The following GRAMD1C variants were observed in gnomAD, a reference collection of about 807,000 sequenced individuals.
The protein encoded by GRAMD1C is protein Aster-C.
GRAMD1C carries 89 observed loss-of-function variants against 97.8 expected under a neutral mutation model. The observed-to-expected ratio is 0.91, with a 90% confidence interval of 0.77 to 1.09. The LOEUF (loss-of-function observed/expected upper bound fraction) is 1.09, where lower values mean the gene tolerates loss of function less well. Ranked by LOEUF, GRAMD1C falls within the 50% of genes least tolerant of loss-of-function variation. The probability of loss-of-function intolerance (pLI) is 0.00; values close to 1 mark genes in which losing one functional copy is unlikely to be tolerated. For missense variants in GRAMD1C, 740 were observed against 766.4 expected (o/e 0.97, Z 0.41); for synonymous variants, 256 against 267.0 (o/e 0.96, Z 0.40).
chr3:113,835,598 T>A (rs1487620130), upstream of GRAMD1C, among the ~76,000 whole-genome samples: 1 of 152,208 alleles, frequency 6.6e-6, no homozygotes, highest in Non-Finnish European at 1.5e-5. Context: ...GTCAATAAGA[T>A]GTGGTTATTC....
intron 6 of GRAMD1C, among the ~76,000 whole-genome samples, chr3:113,892,740 CT>C (rs1935786298): frequency 6.6e-6 from 1 of 152,124 alleles, no homozygotes. Flanking sequence ...CAGCACCATT[CT>C]TTAATACAAA....
At chr3:113,930,001 T>C (rs961504666) in intron 10 of GRAMD1C, among the ~76,000 whole-genome samples, 20 of 152,202 alleles carry the variant, frequency 1.3e-4, no homozygotes, top group African/African-American at 3.6e-4. Context: ...CTTTTATTTA[T>C]ACTTTTTAAG....
intron 6 of GRAMD1C, 121 bp downstream of exon 6, chr3:113,882,953 GA>G: frequency 2.0e-6 from 1 of 510,136 alleles, no homozygotes. Context: ...ATTCTAAGTA[GA>G]AACTTCAATC....
At chr3:113,882,473 A>G (rs918245131) in intron 5 of GRAMD1C, among the ~76,000 whole-genome samples, 1 of 152,298 alleles carries the variant, frequency 6.6e-6, no homozygotes, top group African/African-American at 2.4e-5. Context: ...TTAAACTGAT[A>G]AACATAAATA....
intron 2 of GRAMD1C, among the ~76,000 whole-genome samples, chr3:113,853,046 A>G (rs1232582609): frequency 6.6e-6 from 1 of 152,226 alleles, no homozygotes; most frequent in Non-Finnish European, 1.5e-5. Flanking sequence ...TAATAAAACT[A>G]TTATACCAAA....
intron 1 of GRAMD1C, among the ~76,000 whole-genome samples, chr3:113,841,811 C>T (rs1261111327): frequency 6.6e-6 from 1 of 152,152 alleles, no homozygotes; most frequent in Non-Finnish European, 1.5e-5. Context: ...AGTCCTCCCA[C>T]CTCAGCCTCC....
At chr3:113,943,319 TA>T (rs1321413044) in intron 17 of GRAMD1C, among the ~76,000 whole-genome samples, 1 of 152,188 alleles carries the variant, frequency 6.6e-6, no homozygotes, top group Non-Finnish European at 1.5e-5. Flanking sequence ...TTTAAAACCA[TA>T]AAAAAATCTT....
chr3:113,923,573 T>C (rs528662043), intron 10 of GRAMD1C, among the ~76,000 whole-genome samples: 8 of 152,350 alleles, frequency 5.3e-5, no homozygotes, highest in Admixed American at 3.3e-4. Context: ...ATCACACTTA[T>C]GGATTTGCAT....
intron 2 of GRAMD1C, among the ~76,000 whole-genome samples, chr3:113,861,355 T>G (rs897828669): frequency 6.6e-6 from 1 of 152,114 alleles, no homozygotes; most frequent in Non-Finnish European, 1.5e-5. Context: ...CTCATTAAAA[T>G]TAGTGCCATG....
At chr3:113,879,273 A>G (rs1041124286) in intron 5 of GRAMD1C, among the ~76,000 whole-genome samples, 1 of 151,782 alleles carries the variant, frequency 6.6e-6, no homozygotes, top group African/African-American at 2.4e-5. Context: ...TTCCATGCCA[A>G]GTTGCTTTAC....
At chr3:113,890,758 A>G (rs1468006987) in intron 6 of GRAMD1C, 1 of 700,134 alleles carries the variant, frequency 1.4e-6, no homozygotes. Flanking sequence ...TATCACACAC[A>G]TGTGAGTTGG....
intron 1 of GRAMD1C, among the ~76,000 whole-genome samples, chr3:113,842,347 A>G (rs1933367857): frequency 6.6e-6 from 1 of 152,202 alleles, no homozygotes; most frequent in African/African-American, 2.4e-5. Flanking sequence ...CTTAGAACCT[A>G]TGTTGTAGAG....
chr3:113,837,870 C>T (rs541156671), upstream of GRAMD1C, among the ~76,000 whole-genome samples: 6 of 152,164 alleles, frequency 3.9e-5, no homozygotes, highest in Admixed American at 1.3e-4. Flanking sequence ...ATTGCGCCAC[C>T]GCACTCCAGC....
At chr3:113,850,795 TA>T (rs1487863741) in intron 2 of GRAMD1C, 26 of 773,218 alleles carry the variant, frequency 3.4e-5, no homozygotes, top group South Asian at 6.8e-5. Context: ...TTTTTATTTT[TA>T]TTTTTTTAAT....
At chr3:113,876,910 G>A (rs950033869) in intron 5 of GRAMD1C, among the ~76,000 whole-genome samples, 2 of 151,806 alleles carry the variant, frequency 1.3e-5, no homozygotes, top group African/African-American at 2.4e-5. Flanking sequence ...GAGACAGGGA[G>A]AGTTTTGGGG....
chr3:113,830,610 TGTAACACAATGAGAA>T (rs1236464897), intron 1 of GRAMD1C, among the ~76,000 whole-genome samples: 7 of 152,226 alleles, frequency 4.6e-5, no homozygotes, highest in Non-Finnish European at 1.0e-4. Flanking sequence ...TGAAGACAGC[TGTAACACAATGAGAA>T]GTATTTGTGT....
chr3:113,857,445 G>T (rs1324683395), intron 2 of GRAMD1C, among the ~76,000 whole-genome samples: 1 of 150,584 alleles, frequency 6.6e-6, no homozygotes, highest in Non-Finnish European at 1.5e-5. Flanking sequence ...ACACGATCTT[G>T]GCTCACTGCA....
chr3:113,928,944 T>C (rs1937319865), intron 10 of GRAMD1C, among the ~76,000 whole-genome samples: 1 of 147,970 alleles, frequency 6.8e-6, no homozygotes, highest in African/African-American at 2.5e-5. Context: ...GACATACAAC[T>C]GTCTGTTCAG....
At chr3:113,943,758 C>A (rs936768263) in intron 17 of GRAMD1C, among the ~76,000 whole-genome samples, 1 of 151,850 alleles carries the variant, frequency 6.6e-6, no homozygotes, top group Admixed American at 6.6e-5. Flanking sequence ...TACTAAAATA[C>A]AAAAAATTAG....
Sources: allele counts gnomAD v4.1 joint callset (sites outside exome capture counted in the v4.1 genomes callset), GRCh38; gene constraint gnomAD v4.1.1; transcripts MANE v1.5; gene names NCBI Gene and HGNC (gene_info 2026-07-23, HGNC 2026-07-21).